TIMM17A: variants seen among roughly 807,000 people sequenced by gnomAD.
TIMM17A encodes the protein translocase of inner mitochondrial membrane 17A.
TIMM17A carries 15 observed loss-of-function variants against 26.5 expected under a neutral mutation model. The observed-to-expected ratio is 0.57, with a 90% CI of 0.38 to 0.87. The LOEUF (loss-of-function observed/expected upper bound fraction) is 0.87, where lower values mean the gene tolerates loss of function less well. Among genes scored for constraint, TIMM17A ranks in the 40% least tolerant of loss-of-function variants. TIMM17A has a pLI of 0.00. For missense variants in TIMM17A, 201 were observed against 210.0 expected (o/e 0.96, Z 0.27); for synonymous variants, 80 against 70.8 (o/e 1.13, Z -0.66).
At chr1:201,969,122 G>A (rs1682688241) in intron 5 of TIMM17A, among the ~76,000 whole-genome samples, 1 of 152,162 alleles carries the variant, frequency 6.6e-6, no homozygotes, top group Admixed American at 6.6e-5. Flanking sequence ...GACAAGAAGT[G>A]GGAGAAACTC....
chr1:201,959,983 A>G lies in TIMM17A; in HGVS notation c.190+2409A>G, dbSNP rs139212019. 7.7e-3 allele frequency among the ~76,000 whole-genome samples: 1,170 copies of G among 151,132 alleles called. 22 individuals carry two copies. Among genetic ancestry groups the G allele is most frequent in the African/African-American group, 0.027 (1,123 of 41,372 alleles). On this transcript the variant is annotated intron_variant, in intron 3 of 5. Coordinates refer to ENST00000367287, the MANE Select transcript of TIMM17A (RefSeq NM_006335.3). ...ACCACTGTACTCCAGCCAGGGTGAC[A>G]GCGAGACTCTGTCTCAAAATAAATA...
chr1:201,969,414 T>C, intron 5 of TIMM17A, 55 bp from the exon 6 acceptor site: 3 of 1,382,738 alleles, frequency 2.2e-6, no homozygotes, highest in Non-Finnish European at 3.1e-6. Flanking sequence ...ATTTGTTCTT[T>C]TTAATAATAT....
chr1:201,957,799 G>C, intron 3 of TIMM17A: 1 of 318,718 alleles, frequency 3.1e-6, no homozygotes. Flanking sequence ...GACACTCGGT[G>C]ATTTTTTTTT....
intron 1 of TIMM17A, among the ~76,000 whole-genome samples, chr1:201,955,827 G>C (rs992334073): frequency 3.3e-4 from 50 of 152,192 alleles, no homozygotes; most frequent in Non-Finnish European, 4.7e-4. Context: ...ATAGAACCTC[G>C]GAACCTCCTC....
At chr1:201,961,685 C>CA (rs1184487699) in intron 3 of TIMM17A, among the ~76,000 whole-genome samples, 1 of 151,884 alleles carries the variant, frequency 6.6e-6, no homozygotes, top group Admixed American at 6.6e-5. Flanking sequence ...TGCCTCTCTA[C>CA]AAAAAAATTT....
intron 3 of TIMM17A, among the ~76,000 whole-genome samples, chr1:201,959,940 G>A (rs1423089547): frequency 1.3e-5 from 2 of 151,756 alleles, no homozygotes; most frequent in African/African-American, 2.4e-5. Flanking sequence ...GCGGAACTTG[G>A]CAGTGAGCCC....
intron 4 of TIMM17A, among the ~76,000 whole-genome samples, chr1:201,964,032 T>C (rs540541799): frequency 3.3e-5 from 5 of 152,132 alleles, no homozygotes; most frequent in African/African-American, 9.6e-5. Flanking sequence ...GGCAGGAGGA[T>C]CACTTGAGCC....
intron 3 of TIMM17A, 27 bp from the exon 4 acceptor site, chr1:201,963,589 T>C: frequency 6.3e-7 from 1 of 1,590,316 alleles, no homozygotes; most frequent in Non-Finnish European, 8.5e-7. Flanking sequence ...AATTAGTATT[T>C]GCTTGTTTCT....
chr1:201,956,044 A>C (rs989180905), intron 1 of TIMM17A, among the ~76,000 whole-genome samples: 1 of 152,216 alleles, frequency 6.6e-6, no homozygotes, highest in African/African-American at 2.4e-5. Context: ...AATGAATGGA[A>C]CATAGATTTT....
intron 3 of TIMM17A, among the ~76,000 whole-genome samples, chr1:201,958,416 G>C (rs1030002018): frequency 1.3e-5 from 2 of 152,268 alleles, no homozygotes; most frequent in African/African-American, 2.4e-5. Context: ...CAAAGGTATA[G>C]TCAGGGTTGG....
In TIMM17A at chr1:201,967,530, T is replaced by TTTTA. The variant is rs1048100968; in HGVS notation, c.431-1919_431-1916dup. ...AGGGAATCTCCTTTTTATTTATTTA[T>TTTTA]TTTATTTATTTATTTATTTATTTTA... On this transcript the variant is annotated intron_variant, in intron 5 of 5. Coordinates refer to ENST00000367287, the MANE Select transcript of TIMM17A (RefSeq NM_006335.3). Among the ~76,000 whole-genome samples, 514 of 150,770 alleles carry TTTTA rather than the reference T, an allele frequency of 3.4e-3. 1 individual carries two copies. Among genetic ancestry groups the TTTTA allele is most frequent in the Middle Eastern group, 0.01 (3 of 292 alleles).
chr1:201,958,721 G>T (rs889637477), intron 3 of TIMM17A, among the ~76,000 whole-genome samples: 1 of 152,142 alleles, frequency 6.6e-6, no homozygotes, highest in Admixed American at 6.5e-5. Context: ...CAACACAAGG[G>T]TATAGTTAGA....
intron 5 of TIMM17A, among the ~76,000 whole-genome samples, chr1:201,967,673 G>C (rs1348977461): frequency 2.0e-5 from 3 of 151,502 alleles, no homozygotes; most frequent in African/African-American, 7.3e-5. Context: ...CTCTTGAGCA[G>C]CTGGGACTAT....
Position 201,969,667 on chromosome 1 carries a change from G to GGCCAAAGT in TIMM17A, c.*115_*116insCAAAGTGC. 2 of 805,514 alleles carry GGCCAAAGT rather than the reference G, an allele frequency of 2.5e-6. No individual in the cohort carries two copies. The highest frequency in any genetic ancestry group is 4.0e-6 in the Non-Finnish European group (2 of 494,814). The allele number at this position is 805,514 out of a possible 1,614,324, so 49.9% of individuals were successfully genotyped here. Reference sequence around the variant, plus strand: ...ATAGGTGGGACAGCTATGGCCAATAGGCTATAAAGAGACATTTAGCACTTT... The same window carrying GGCCAAAGT: ...ATAGGTGGGACAGCTATGGCCAATAGGCCAAAGTGCTATAAAGAGACATTTAGCACTTT... On this transcript the variant is annotated 3_prime_UTR_variant, in exon 6 of 6. Coordinates refer to ENST00000367287, the MANE Select transcript of TIMM17A (RefSeq NM_006335.3).
Position 201,965,444 on chromosome 1 carries a change from G to T in TIMM17A, c.331G>T (p.Ala111Ser). Residue 111 changes from alanine to serine, a missense_variant, in exon 5 of 6, where the codon GCC (alanine) becomes TCC (serine). Physicochemically the swap from Ala to Ser is moderately conservative, Grantham distance 99. Coordinates refer to ENST00000367287, the MANE Select transcript of TIMM17A (RefSeq NM_006335.3). ...ATTAATGTCTTCAGATGGACCAGTG[G>T]CCATGGTTGGGTCAGCCGCAATGGG... ...AILAARNGPVAMVGSAAMGGI... is the reference protein window; with the variant it reads ...AILAARNGPVSMVGSAAMGGI... 1 of 1,610,208 alleles carries T rather than the reference G, an allele frequency of 6.2e-7. No individual in the cohort carries two copies. The highest frequency in any genetic ancestry group is 8.5e-7 in the Non-Finnish European group (1 of 1,176,416).
rs1316423033 is a variant in TIMM17A, at chr1:201,955,546, A to G, written c.20A>G (p.Glu7Gly). The change falls in exon 1 of 6, where the codon GAG becomes GGG. Residue 7 changes from glutamate (E) to glycine (G), a missense_variant. By Grantham distance (98) the Glu-to-Gly change is moderately conservative. Coordinates refer to ENST00000367287, the MANE Select transcript of TIMM17A (RefSeq NM_006335.3). MEEYAR[E>G]PCPWRIVDDC... ...GTCAAGATGGAGGAGTACGCGCGAG[A>G]GCCTTGGTGAGCTTCACCGCTGTCT... 2 of 1,614,070 alleles carry G rather than the reference A, an allele frequency of 1.2e-6. No homozygotes were observed. Among genetic ancestry groups the G allele is most frequent in the Non-Finnish European group, 1.7e-6 (2 of 1,180,042 alleles).
At chr1:201,959,368 T>TA (rs1326523323) in intron 3 of TIMM17A, among the ~76,000 whole-genome samples, 1 of 149,852 alleles carries the variant, frequency 6.7e-6, no homozygotes, top group East Asian at 2.0e-4. Context: ...AAAAATAAAA[T>TA]AAAAGGGCTG....
At chr1:201,965,944 T>C (rs1156896715) in intron 5 of TIMM17A, among the ~76,000 whole-genome samples, 1 of 152,204 alleles carries the variant, frequency 6.6e-6, no homozygotes, top group Non-Finnish European at 1.5e-5. Flanking sequence ...ACTTACATTC[T>C]GGTAGGGGGA....
At chr1:201,967,621 C>T (rs1682658943) in intron 5 of TIMM17A, among the ~76,000 whole-genome samples, 1 of 151,774 alleles carries the variant, frequency 6.6e-6, no homozygotes, top group Non-Finnish European at 1.5e-5. Context: ...CGGCTCACTG[C>T]AGCCTTGACC....
Sources: allele counts gnomAD v4.1 joint callset (sites outside exome capture counted in the v4.1 genomes callset), GRCh38; gene constraint gnomAD v4.1.1; transcripts MANE v1.5; gene names NCBI Gene and HGNC (gene_info 2026-07-23, HGNC 2026-07-21).